SLC35F4: variants seen among roughly 807,000 people sequenced by gnomAD.
SLC35F4 encodes solute carrier family 35 member F4, also known as chromosome 14 open reading frame 36.
A neutral mutation model predicts 44.2 loss-of-function variants in SLC35F4; 24 were observed. The observed-to-expected ratio is 0.54, with a 90% CI of 0.39 to 0.76. SLC35F4 has a LOEUF of 0.76. SLC35F4 is among the 30% of genes least tolerant of loss of function. The probability of loss-of-function intolerance (pLI) is 0.00; values close to 1 mark genes in which losing one functional copy is unlikely to be tolerated. For synonymous variants in SLC35F4, 238 were observed against 223.6 expected (o/e 1.06, Z -0.57); for missense variants, 562 against 586.1 (o/e 0.96, Z 0.42).
At chr14:57,746,531 C>T (rs2076758325) in intron 1 of SLC35F4, among the ~76,000 whole-genome samples, 1 of 152,098 alleles carries the variant, frequency 6.6e-6, no homozygotes, top group Admixed American at 6.6e-5. Flanking sequence ...CCTTTTTATA[C>T]ATTGCTGTAT....
intron 1 of SLC35F4, among the ~76,000 whole-genome samples, chr14:57,697,591 C>G (rs969123110): frequency 3.3e-5 from 5 of 151,798 alleles, no homozygotes; most frequent in African/African-American, 1.2e-4. Context: ...GTCCCAGCTA[C>G]TTGGAAGGCT....
chr14:57,805,369 C>T (rs957062727), intron 1 of SLC35F4, among the ~76,000 whole-genome samples: 2 of 152,134 alleles, frequency 1.3e-5, no homozygotes, highest in South Asian at 4.1e-4. Context: ...TGAAATCAAC[C>T]TAAATGCCCA....
upstream of SLC35F4, chr14:57,866,118 C>A: frequency 5.2e-6 from 1 of 192,162 alleles, no homozygotes; most frequent in Non-Finnish European, 1.1e-5. Context: ...CCGACGCCCA[C>A]CGTGGCCGGG....
intron 1 of SLC35F4, among the ~76,000 whole-genome samples, chr14:57,887,937 GA>G (rs1888685809): frequency 6.6e-6 from 1 of 152,146 alleles, no homozygotes; most frequent in African/African-American, 2.4e-5. Context: ...TTTTCTGCAG[GA>G]AACTACAGCA....
rs117306996 is a variant in SLC35F4, at chr14:57,694,291, G to A, written c.104-100167C>T. Among the ~76,000 whole-genome samples the A allele has an allele frequency of 2.8e-4, 43 of 152,092 alleles. No individual in the cohort carries two copies. The East Asian group carries it at 8.1e-3, about 29-fold the overall frequency. On this transcript the variant is annotated intron_variant, in intron 1 of 7. Coordinates refer to ENST00000556826, the MANE Select transcript of SLC35F4 (RefSeq NM_001306087.2). The stretch of plus-strand genomic sequence containing the variant: ...TTCGTTGTTTTCAACATTCAAATAG[G>A]TACTTATCATTGTTTTCAATATTTA...
chr14:57,621,576 G>C (rs371719168), intron 1 of SLC35F4, among the ~76,000 whole-genome samples: 16 of 152,106 alleles, frequency 1.1e-4, no homozygotes, highest in South Asian at 2.1e-4. Context: ...AAAGGATTCC[G>C]TATTTAATAA....
intron 1 of SLC35F4, among the ~76,000 whole-genome samples, chr14:57,738,260 G>T (rs1031721383): frequency 1.3e-5 from 2 of 152,124 alleles, no homozygotes; most frequent in African/African-American, 4.8e-5. Context: ...CAGTGTCACA[G>T]GGAGTATAAA....
At chr14:57,676,469 A>G (rs1314674743) in intron 1 of SLC35F4, among the ~76,000 whole-genome samples, 1 of 152,092 alleles carries the variant, frequency 6.6e-6, no homozygotes, top group Non-Finnish European at 1.5e-5. Flanking sequence ...CTATGCCTGC[A>G]GGGCTTAATA....
At chr14:57,957,035 T>A (rs7161193) in intron 1 of SLC35F4, among the ~76,000 whole-genome samples, 1 of 152,014 alleles carries the variant, frequency 6.6e-6, no homozygotes, top group African/African-American at 2.4e-5. Flanking sequence ...GACTTGGAAC[T>A]AACCCAAACG....
intron 1 of SLC35F4, among the ~76,000 whole-genome samples, chr14:57,739,575 A>G (rs891249343): frequency 6.6e-6 from 1 of 152,214 alleles, no homozygotes; most frequent in East Asian, 1.9e-4. Flanking sequence ...AAAGCCAGAA[A>G]CCAAGGATCC....
chr14:57,723,039 T>G (rs1380893173), intron 1 of SLC35F4, among the ~76,000 whole-genome samples: 1 of 152,142 alleles, frequency 6.6e-6, no homozygotes, highest in East Asian at 1.9e-4. Flanking sequence ...AAAAGGGAAA[T>G]GCAGATATTT....
intron 1 of SLC35F4, among the ~76,000 whole-genome samples, chr14:57,624,034 C>CA (rs1219510322): frequency 6.6e-6 from 1 of 152,000 alleles, no homozygotes; most frequent in Non-Finnish European, 1.5e-5. Flanking sequence ...AAATGATCAA[C>CA]AAAATTGATG....
intron 1 of SLC35F4, among the ~76,000 whole-genome samples, chr14:57,706,832 T>G (rs1317163251): frequency 1.3e-5 from 2 of 152,160 alleles, no homozygotes; most frequent in Non-Finnish European, 2.9e-5. Flanking sequence ...ACGCAGGACT[T>G]TGCAACCAAG....
chr14:57,744,042 A>C (rs919600224), intron 1 of SLC35F4, among the ~76,000 whole-genome samples: 3 of 152,092 alleles, frequency 2.0e-5, no homozygotes, highest in African/African-American at 7.2e-5. Flanking sequence ...CATGCTAAAA[A>C]CTCTCAATAA....
In SLC35F4 at chr14:57,630,686, T is replaced by C. The variant is rs1594642406; in HGVS notation, c.104-36562A>G. The C allele has an allele frequency of 9.8e-6, 6 of 609,138 alleles. No homozygotes were observed. The East Asian group carries it at 1.2e-4, about 13-fold the overall frequency. The allele number at this position is 609,138 out of a possible 1,614,324, so 37.7% of individuals were successfully genotyped here. ...GGACTAGTCCTATGCTCAGTGGCCATTGACAGTATAAACCATGATCATTTT... is the reference window on the plus strand; with the variant it reads ...GGACTAGTCCTATGCTCAGTGGCCACTGACAGTATAAACCATGATCATTTT... On this transcript the variant is annotated intron_variant, in intron 1 of 7. Coordinates refer to ENST00000556826, the MANE Select transcript of SLC35F4 (RefSeq NM_001306087.2).
At chr14:57,880,108 G>C (rs928689322) in intron 1 of SLC35F4, among the ~76,000 whole-genome samples, 18 of 141,520 alleles carry the variant, frequency 1.3e-4, no homozygotes, top group African/African-American at 4.5e-4. Context: ...AAGGAAGGAA[G>C]GACAGTAGAT....
At chr14:57,680,708 A>G (rs1416013921) in intron 1 of SLC35F4, among the ~76,000 whole-genome samples, 4 of 152,112 alleles carry the variant, frequency 2.6e-5, no homozygotes, top group Non-Finnish European at 5.9e-5. Flanking sequence ...AATCACAAAC[A>G]TTCCTATACT....
At chr14:57,843,544 G>A (rs1885696792) in intron 1 of SLC35F4, among the ~76,000 whole-genome samples, 1 of 152,102 alleles carries the variant, frequency 6.6e-6, no homozygotes, top group Non-Finnish European at 1.5e-5. Flanking sequence ...CAAGTTGGGA[G>A]TGTCTGGGTA....
chr14:57,935,660 C>T (rs1030306183), intron 1 of SLC35F4, among the ~76,000 whole-genome samples: 4 of 152,180 alleles, frequency 2.6e-5, no homozygotes, highest in African/African-American at 9.7e-5. Flanking sequence ...CTCTAAGGCC[C>T]AGATCCCCAA....
Sources: gnomAD v4.1 joint callset for allele counts (sites outside exome capture counted in the v4.1 genomes callset) on GRCh38, gnomAD v4.1.1 for gene constraint, MANE v1.5 for transcripts, NCBI Gene and HGNC (gene_info 2026-07-23, HGNC 2026-07-21) for gene names.